EFR3A: variants seen among roughly 807,000 people sequenced by gnomAD.
The protein encoded by EFR3A is protein EFR3 homolog A.
Under a neutral mutation model 104.4 loss-of-function variants are expected in EFR3A, and 76 were observed. That is an observed-to-expected ratio of 0.73 (90% CI 0.60 to 0.88). The LOEUF (loss-of-function observed/expected upper bound fraction) is 0.88, where lower values mean the gene tolerates loss of function less well. Ranked by LOEUF, EFR3A falls within the 40% of genes least tolerant of loss-of-function variation. The pLI is 0.00. For synonymous variants in EFR3A, 330 were observed against 330.0 expected (o/e 1.00, Z 0.00); for missense variants, 985 against 1,012.5 (o/e 0.97, Z 0.37).
intron 6 of EFR3A, 69 bp from the exon 7 acceptor site, chr8:131,955,699 A>G: frequency 1.3e-6 from 2 of 1,497,740 alleles, no homozygotes; most frequent in South Asian, 2.6e-5. Flanking sequence ...TAAAAAGTAA[A>G]GTATATTTTG....
intron 1 of EFR3A, among the ~76,000 whole-genome samples, chr8:131,930,875 TATATA>T (rs1487911273): frequency 2.0e-5 from 3 of 152,188 alleles, no homozygotes; most frequent in Non-Finnish European, 2.9e-5. Flanking sequence ...GTTATTGTAA[TATATA>T]AGATGATCTT....
chr8:131,985,124 G>T (rs1820811257), intron 16 of EFR3A, 64 bp downstream of exon 16: 1 of 1,482,618 alleles, frequency 6.7e-7, no homozygotes, highest in Non-Finnish European at 9.2e-7. Flanking sequence ...TTATTCCAGT[G>T]ATGATTATTT....
At chr8:131,904,366 C>T (rs1466565419) in intron 1 of EFR3A, 44 bp downstream of exon 1, 1 of 1,242,976 alleles carries the variant, frequency 8.0e-7, no homozygotes. Context: ...AGGCGACTGC[C>T]TGCGCGACGC....
At chr8:131,948,924 A>C (rs1377225376) in intron 4 of EFR3A, among the ~76,000 whole-genome samples, 1 of 152,106 alleles carries the variant, frequency 6.6e-6, no homozygotes, top group African/African-American at 2.4e-5. Flanking sequence ...TTTCCTCTTC[A>C]TGCTAATGCC....
intron 1 of EFR3A, among the ~76,000 whole-genome samples, chr8:131,926,587 AAC>A (rs1011602829): frequency 1.3e-5 from 2 of 152,070 alleles, no homozygotes; most frequent in African/African-American, 4.8e-5. Context: ...TAGCTCAGGA[AAC>A]ACACCTGTAA....
In EFR3A at chr8:131,970,501, T is replaced by C; in HGVS notation, c.1017T>C (p.Asn339=). The change falls in exon 10 of 23, where the codon AAT becomes AAC. Residue 339 remains asparagine, a synonymous_variant. Transcript: ENST00000254624. ...GTCCGACAGTGCTGGAAGTCTTCAA[T>C]ACCCTTTTGAAACATCTGCGTCTCA... ...SIGPTVLEVF[N]TLLKHLRLSV... 1 of 1,613,890 alleles carries C rather than the reference T, an allele frequency of 6.2e-7. No homozygotes were observed. Among genetic ancestry groups the C allele is most frequent in the South Asian group, 1.1e-5 (1 of 91,076 alleles).
chr8:131,966,366 A>G (rs188702978), intron 8 of EFR3A, among the ~76,000 whole-genome samples: 205 of 152,290 alleles, frequency 1.3e-3, no homozygotes, highest in Non-Finnish European at 1.7e-3. Context: ...CATATATAGT[A>G]CTTAGAAGAG....
chr8:131,957,090 ATGTATTAGTTAATTAATTAAATTAAT>A (rs1330870397), intron 7 of EFR3A, among the ~76,000 whole-genome samples: 1 of 152,170 alleles, frequency 6.6e-6, no homozygotes. Flanking sequence ...ATTTCTGATC[ATGTATTAGTTAATTAATTAAATTAAT>A]CTTAAGTAAA....
intron 4 of EFR3A, among the ~76,000 whole-genome samples, chr8:131,947,236 C>T (rs1246709975): frequency 6.6e-6 from 1 of 151,914 alleles, no homozygotes. Flanking sequence ...AGTGGTATCT[C>T]ATTGTGGTTT....
chr8:131,999,672 T>G (rs1190073857), intron 19 of EFR3A, among the ~76,000 whole-genome samples: 2 of 151,392 alleles, frequency 1.3e-5, no homozygotes, highest in Non-Finnish European at 2.9e-5. Flanking sequence ...ATATGAATCA[T>G]TAAATGCTAG....
rs536916205 is a variant in EFR3A, at chr8:131,962,337, T to C, written c.855+2674T>C. On this transcript the variant is annotated intron_variant, in intron 8 of 22. Transcript: ENST00000254624. ...CCCATCTCACGTGCAGAGACACACA[T>C]AGGCTCAAAATAAAGGGATGGAGGA... Among the ~76,000 whole-genome samples the C allele has an allele frequency of 7.6e-3, 1,159 of 152,170 alleles. 6 individuals are homozygous for C. The highest frequency in any genetic ancestry group is 0.025 in the African/African-American group (1,021 of 41,504).
At chr8:131,916,228 A>G (rs991606337) in intron 1 of EFR3A, among the ~76,000 whole-genome samples, 3 of 152,230 alleles carry the variant, frequency 2.0e-5, no homozygotes, top group African/African-American at 4.8e-5. Context: ...AAAAGCAGTT[A>G]GAGGTTATTA....
chr8:131,999,713 AG>A lies in EFR3A; in HGVS notation c.2158-2045del, dbSNP rs921350791. ...AGCAGTTAGTCTTAAAAAAAAAAAA[AG>A]ATCCACAAAAGGGATGAGTGGGAGA... On this transcript the variant is annotated intron_variant, in intron 19 of 22. Transcript: ENST00000254624. Among the ~76,000 whole-genome samples, 8 of 151,832 alleles carry A rather than the reference AG, an allele frequency of 5.3e-5. No individual in the cohort carries two copies. In the East Asian group the frequency reaches 9.6e-4, roughly 18 times the overall value.
chr8:131,964,327 C>T (rs1819570827), intron 8 of EFR3A, among the ~76,000 whole-genome samples: 2 of 152,128 alleles, frequency 1.3e-5, no homozygotes, highest in South Asian at 2.1e-4. Context: ...AAAACCCCAT[C>T]ATCTCAGCCC....
chr8:132,001,972 CAGAATTGT>C (rs1821803971), intron 20 of EFR3A, among the ~76,000 whole-genome samples, 165 bp downstream of exon 20: 1 of 152,150 alleles, frequency 6.6e-6, no homozygotes, highest in Non-Finnish European at 1.5e-5. Context: ...TTTTAGGCTT[CAGAATTGT>C]CTTGTCCCTT....
At chr8:131,968,780 TATC>T (rs1819899185) in intron 9 of EFR3A, among the ~76,000 whole-genome samples, 1 of 152,136 alleles carries the variant, frequency 6.6e-6, no homozygotes, top group Non-Finnish European at 1.5e-5. Context: ...TTTGATCACA[TATC>T]ATTTAAAAAG....
intron 1 of EFR3A, among the ~76,000 whole-genome samples, chr8:131,916,137 G>A (rs1816735867): frequency 6.6e-6 from 1 of 152,184 alleles, no homozygotes; most frequent in Non-Finnish European, 1.5e-5. Context: ...TATGTTTATA[G>A]AGTGAATCAA....
intron 19 of EFR3A, chr8:132,000,963 C>T (rs370697265): frequency 6.6e-6 from 1 of 152,278 alleles, no homozygotes; most frequent in African/African-American, 2.4e-5. Flanking sequence ...GCAAAAGAAG[C>T]TCATGAGCTA....
At position 132,010,858 on chromosome 8, in the gene EFR3A, T is replaced by A. The variant is rs1822310157; in HGVS notation, c.2429T>A (p.Val810Asp). 1 of 1,612,428 alleles carries A rather than the reference T, an allele frequency of 6.2e-7. No individual in the cohort carries two copies. Among genetic ancestry groups the A allele is most frequent in the Non-Finnish European group, 8.5e-7 (1 of 1,178,944 alleles). Residue 810 changes from valine (V) to aspartate (D), a missense_variant, in exon 23 of 23, where the codon GTC becomes GAC. By Grantham distance (152) the Val-to-Asp change is radical. Coordinates refer to ENST00000254624, the MANE Select transcript of EFR3A (RefSeq NM_015137.6). The stretch of plus-strand genomic sequence containing the variant: ...CATGCCCAATACCAATCTGTCCCAG[T>A]CTATGAGATGAAGTTTCCAGATCTG... ...SGHAQYQSVP[V>D]YEMKFPDLCV...
Sources: gnomAD v4.1 joint callset for allele counts (sites outside exome capture counted in the v4.1 genomes callset) on GRCh38, gnomAD v4.1.1 for gene constraint, MANE v1.5 for transcripts, NCBI Gene and HGNC (gene_info 2026-07-23, HGNC 2026-07-21) for gene names.